The following LCORL variants were observed in gnomAD, a reference collection of about 807,000 sequenced individuals.
LCORL encodes ligand-dependent nuclear receptor corepressor-like protein.
LCORL carries 41 observed loss-of-function variants against 141.8 expected under a neutral mutation model. The ratio of observed to expected loss-of-function variants is 0.29; its 90% confidence interval spans 0.23 to 0.38. The LOEUF is 0.38. Among genes scored for constraint, LCORL ranks in the 10% least tolerant of loss-of-function variants. The pLI is 1.00. For synonymous variants in LCORL, 618 were observed against 694.1 expected (o/e 0.89, Z 1.72); for missense variants, 1,759 against 2,035.0 (o/e 0.86, Z 2.61).
At chr4:17,940,795 G>A (rs1293091721) in intron 4 of LCORL, among the ~76,000 whole-genome samples, 12 of 151,924 alleles carry the variant, frequency 7.9e-5, no homozygotes, top group Admixed American at 7.2e-4. Flanking sequence ...TCCTATCTAT[G>A]AACTTTTGGG....
chr4:17,934,974 C>T (rs1736620354), intron 4 of LCORL, among the ~76,000 whole-genome samples: 1 of 152,058 alleles, frequency 6.6e-6, no homozygotes, highest in Non-Finnish European at 1.5e-5. Context: ...TAACTAACTG[C>T]CCACTCACTG....
At chr4:17,849,275 C>T (rs1176375754) in intron 7 of LCORL, among the ~76,000 whole-genome samples, 2 of 152,198 alleles carry the variant, frequency 1.3e-5, no homozygotes, top group African/African-American at 2.4e-5. Context: ...GAGGCACCCC[C>T]CAGTTGGGGC....
chr4:17,972,646 T>TA (rs1224313940), intron 2 of LCORL, among the ~76,000 whole-genome samples, 174 bp downstream of exon 2: 3 of 151,642 alleles, frequency 2.0e-5, no homozygotes, highest in Non-Finnish European at 4.4e-5. Flanking sequence ...TAAAATTTTT[T>TA]AAAAATATGG....
intron 1 of LCORL, among the ~76,000 whole-genome samples, chr4:17,982,144 G>GTGTA (rs1491083113): frequency 2.2e-5 from 3 of 136,680 alleles, no homozygotes; most frequent in Non-Finnish European, 4.9e-5. Context: ...GTGTGTGTGT[G>GTGTA]TATACAAGAT....
At chr4:17,925,549 G>C (rs986224573) in intron 4 of LCORL, among the ~76,000 whole-genome samples, 1 of 152,234 alleles carries the variant, frequency 6.6e-6, no homozygotes, top group East Asian at 1.9e-4. Context: ...TGAGGACTTT[G>C]TCATAAGCAT....
intron 1 of LCORL, among the ~76,000 whole-genome samples, chr4:17,973,170 G>A (rs1305923000): frequency 2.0e-5 from 3 of 151,714 alleles, no homozygotes; most frequent in Non-Finnish European, 4.4e-5. Context: ...AAAATATTAT[G>A]GGCAGATTTT....
At chr4:17,980,261 G>A (rs1717722303) in intron 1 of LCORL, among the ~76,000 whole-genome samples, 1 of 152,182 alleles carries the variant, frequency 6.6e-6, no homozygotes, top group African/African-American at 2.4e-5. Flanking sequence ...ATCTACTAGA[G>A]GGCTGGTCTG....
exon 8 of LCORL, chr4:17,843,089 A>AAATC (rs2109076442): frequency 2.3e-6 from 1 of 429,036 alleles, no homozygotes; most frequent in East Asian, 4.1e-5. Context: ...ATAGTATATA[A>AAATC]AATCATTAGC....
In LCORL at chr4:17,884,752, C is replaced by T; in HGVS notation, c.776+1316G>A. The stretch of plus-strand genomic sequence containing the variant: ...AGTCCTCTCTGTTTCTGTGTAGTCT[C>T]CTGGATGGATGGAATGAAACGATGG... On this transcript the variant is annotated intron_variant, in intron 6 of 7. Transcript: ENST00000635767. The surrounding 1 kb of genome is among the most constrained non-coding windows in gnomAD (Gnocchi z 4.4). 7.0e-7 allele frequency: 1 copy of T among 1,436,244 alleles called. No individual in the cohort carries two copies. The highest frequency in any genetic ancestry group is 9.2e-7 in the Non-Finnish European group (1 of 1,087,270). The allele number at this position is 1,436,244 out of a possible 1,614,324, so 89.0% of individuals were successfully genotyped here.
At chr4:17,850,828 C>T (rs561641610) in intron 7 of LCORL, among the ~76,000 whole-genome samples, 291 of 151,868 alleles carry the variant, frequency 1.9e-3, no homozygotes, top group Middle Eastern at 3.4e-3. Flanking sequence ...CACATGCACA[C>T]GTATGTTTAT....
chr4:17,877,243 T>TATA, exon 7 of LCORL: 1 of 1,230,470 alleles, frequency 8.1e-7, no homozygotes, highest in Non-Finnish European at 1.0e-6. Context: ...TCCATAAAAC[T>TATA]ATAATCACTG....
In LCORL at chr4:17,949,883, T is replaced by G. The variant is rs115487439; in HGVS notation, c.430+12020A>C. Among the ~76,000 whole-genome samples the G allele has an allele frequency of 2.6e-3, 402 of 152,270 alleles. 3 individuals are homozygous for G. Among genetic ancestry groups the G allele is most frequent in the African/African-American group, 9.1e-3 (380 of 41,566 alleles). ...GAGGATCACAGTTCAGTGAGTAGTT[T>G]CTGCTGTCAGTGAGGCTGTAGCAGC... On this transcript the variant is annotated intron_variant, in intron 4 of 7. Coordinates refer to ENST00000635767, the Ensembl canonical transcript of LCORL.
At chr4:17,920,308 T>C (rs942872710) in intron 4 of LCORL, among the ~76,000 whole-genome samples, 1 of 152,216 alleles carries the variant, frequency 6.6e-6, no homozygotes, top group African/African-American at 2.4e-5. Flanking sequence ...TATGGTGGTA[T>C]GGAAATAGAG....
At chr4:17,860,223 T>TG (rs1491144802) in intron 7 of LCORL, among the ~76,000 whole-genome samples, 1 of 152,200 alleles carries the variant, frequency 6.6e-6, no homozygotes, top group African/African-American at 2.4e-5. Flanking sequence ...ACGAGGCTAC[T>TG]GTATTAGTCC....
intron 5 of LCORL, among the ~76,000 whole-genome samples, chr4:17,903,854 G>A (rs1682301833): frequency 1.3e-5 from 2 of 151,968 alleles, no homozygotes; most frequent in Admixed American, 6.6e-5. Context: ...AGAGTAAACA[G>A]ACATTTGAAG....
intron 4 of LCORL, among the ~76,000 whole-genome samples, chr4:17,924,900 T>C (rs1734877598): frequency 6.6e-6 from 1 of 152,200 alleles, no homozygotes; most frequent in Non-Finnish European, 1.5e-5. Flanking sequence ...GTGCATGCTC[T>C]GAATCAGCAT....
At chr4:17,956,152 AAAT>A (rs1267719754) in intron 4 of LCORL, among the ~76,000 whole-genome samples, 1 of 152,138 alleles carries the variant, frequency 6.6e-6, no homozygotes, top group African/African-American at 2.4e-5. Flanking sequence ...TAAAAAAGAC[AAAT>A]AATAACAAAT....
chr4:17,991,723 G>T (rs1029542606), intron 1 of LCORL, among the ~76,000 whole-genome samples: 5 of 152,100 alleles, frequency 3.3e-5, no homozygotes, highest in Non-Finnish European at 7.4e-5. Flanking sequence ...ATAGACAAGA[G>T]GAAGAATATG....
At chr4:17,964,797 T>C (rs1029828380) in intron 2 of LCORL, among the ~76,000 whole-genome samples, 3 of 151,838 alleles carry the variant, frequency 2.0e-5, no homozygotes, top group Non-Finnish European at 2.9e-5. Context: ...TTTGGAACTG[T>C]TGTGCCAAAA....
Sources: gnomAD v4.1 joint callset for allele counts (sites outside exome capture counted in the v4.1 genomes callset) on GRCh38, gnomAD v4.1.1 for gene constraint, Gnocchi (gnomAD v3.1) non-coding constraint, MANE v1.5 for transcripts, NCBI Gene and HGNC (gene_info 2026-07-23, HGNC 2026-07-21) for gene names.